Variants in RBFOX1 observed in about 807,000 individuals in gnomAD.
RBFOX1 encodes the protein RNA binding fox-1 homolog 1, also known as RNA binding protein fox-1 homolog 1.
Under a neutral mutation model 57.7 loss-of-function variants are expected in RBFOX1, and 8 were observed. The ratio of observed to expected loss-of-function variants is 0.14; its 90% CI spans 0.08 to 0.25. The LOEUF is 0.25. RBFOX1 is among the 10% of genes least tolerant of loss of function. RBFOX1 has a pLI of 1.00. For synonymous variants in RBFOX1, 326 were observed against 222.4 expected (o/e 1.47, Z -4.15); for missense variants, 611 against 548.5 (o/e 1.11, Z -1.14).
chr16:6,750,344 T>C (rs2074682809), intron 3 of RBFOX1, among the ~76,000 whole-genome samples: 1 of 152,340 alleles, frequency 6.6e-6, no homozygotes, highest in Non-Finnish European at 1.5e-5. Flanking sequence ...AGCTTGGTGA[T>C]AGATGCCTTA....
intron 11 of RBFOX1, among the ~76,000 whole-genome samples, chr16:7,633,650 C>G (rs1306666036): frequency 6.6e-6 from 1 of 152,150 alleles, no homozygotes; most frequent in Admixed American, 6.6e-5. Context: ...GAGGCTTAAG[C>G]AAGGGCATTC....
At chr16:6,829,742 C>T (rs1168777320) in intron 3 of RBFOX1, among the ~76,000 whole-genome samples, 3 of 151,930 alleles carry the variant, frequency 2.0e-5, no homozygotes, top group African/African-American at 7.2e-5. Context: ...GCTGGAATTA[C>T]AGGCACCTGC....
In RBFOX1 at chr16:5,391,670, G is replaced by C. The variant is rs573617487; in HGVS notation, c.220-75546G>C. On this transcript the variant is annotated intron_variant, in intron 1 of 2. Transcript: ENST00000585867. ...TCTCTTCCAACTTCAGGAGAGCTCA[G>C]GTGTCCCTAGGATCACAGGTAGTGT... 9.2e-5 allele frequency among the ~76,000 whole-genome samples: 14 copies of C among 152,176 alleles called. No individual in the cohort carries two copies. In the South Asian group the frequency reaches 2.3e-3, roughly 25 times the overall value.
intron 3 of RBFOX1, among the ~76,000 whole-genome samples, chr16:5,658,457 G>A (rs1028066400): frequency 6.6e-6 from 1 of 152,096 alleles, no homozygotes; most frequent in African/African-American, 2.4e-5. Flanking sequence ...CACTTGATGA[G>A]ACTTGGGATG....
chr16:5,657,427 G>A (rs1294349417), intron 3 of RBFOX1, among the ~76,000 whole-genome samples: 1 of 152,118 alleles, frequency 6.6e-6, no homozygotes, highest in Non-Finnish European at 1.5e-5. Context: ...AGTGAATAAA[G>A]TACTCACAAT....
intron 1 of RBFOX1, among the ~76,000 whole-genome samples, chr16:5,383,027 A>G (rs1221001119): frequency 3.9e-5 from 6 of 152,176 alleles, no homozygotes; most frequent in African/African-American, 1.4e-4. Context: ...TCCCTTGCTC[A>G]CATGCTATAA....
At chr16:5,721,001 A>G (rs965422181) in intron 3 of RBFOX1, among the ~76,000 whole-genome samples, 1 of 152,176 alleles carries the variant, frequency 6.6e-6, no homozygotes, top group African/African-American at 2.4e-5. Flanking sequence ...ATTGTGTTAA[A>G]TCTGTAGATC....
intron 4 of RBFOX1, among the ~76,000 whole-genome samples, chr16:7,353,254 A>G (rs1336041009): frequency 2.6e-5 from 4 of 152,206 alleles, no homozygotes; most frequent in Admixed American, 2.6e-4. Flanking sequence ...AATGGTACCT[A>G]TTACAAATGC....
intron 2 of RBFOX1, among the ~76,000 whole-genome samples, chr16:6,317,772 C>T (rs1474426597): frequency 6.6e-6 from 1 of 152,036 alleles, no homozygotes; most frequent in Admixed American, 6.6e-5. Context: ...TGATGTCAGC[C>T]CTCCTCTGCA....
intron 2 of RBFOX1, among the ~76,000 whole-genome samples, chr16:5,498,136 C>CTTTTGT (rs889803642): frequency 2.6e-5 from 4 of 152,104 alleles, no homozygotes; most frequent in Admixed American, 6.6e-5. Context: ...GCATTTTATT[C>CTTTTGT]TTTTGTTTTT....
chr16:5,485,368 A>AT (rs1567150376), intron 2 of RBFOX1, among the ~76,000 whole-genome samples: 1 of 148,644 alleles, frequency 6.7e-6, no homozygotes, highest in African/African-American at 2.5e-5. Context: ...AAAAAAAAAA[A>AT]GTGAATAAGT....
intron 4 of RBFOX1, among the ~76,000 whole-genome samples, chr16:7,352,228 C>A (rs993401343): frequency 2.6e-5 from 4 of 152,128 alleles, no homozygotes; most frequent in African/African-American, 4.8e-5. Flanking sequence ...TCAGCCTTTC[C>A]CAAGAGGTGA....
At chr16:6,849,925 G>T (rs1469939625) in intron 3 of RBFOX1, among the ~76,000 whole-genome samples, 1 of 152,150 alleles carries the variant, frequency 6.6e-6, no homozygotes, top group East Asian at 1.9e-4. Context: ...AGTTGACTAG[G>T]AAGATGACTT....
intron 4 of RBFOX1, among the ~76,000 whole-genome samples, chr16:7,105,484 A>G (rs1353902771): frequency 1.3e-5 from 2 of 151,696 alleles, no homozygotes; most frequent in African/African-American, 4.8e-5. Flanking sequence ...CTGCACTTCC[A>G]CCCTTTCCCC....
intron 2 of RBFOX1, among the ~76,000 whole-genome samples, chr16:6,616,193 T>A (rs1384177228): frequency 6.6e-6 from 1 of 152,198 alleles, no homozygotes; most frequent in Admixed American, 6.5e-5. Context: ...TTCTGTTCTT[T>A]GGTAACTGGA....
At chr16:6,297,899 A>G (rs936264936) in intron 1 of RBFOX1, among the ~76,000 whole-genome samples, 6 of 152,200 alleles carry the variant, frequency 3.9e-5, no homozygotes, top group Admixed American at 2.6e-4. Context: ...CCAGCTCCCC[A>G]TCTATCCAGA....
At chr16:6,430,979 A>T (rs1175266363) in intron 2 of RBFOX1, among the ~76,000 whole-genome samples, 1 of 151,222 alleles carries the variant, frequency 6.6e-6, no homozygotes, top group Non-Finnish European at 1.5e-5. Flanking sequence ...AAAAAAAAAA[A>T]AAAAAAAAAT....
chr16:7,065,317 G>T (rs1055097450), intron 4 of RBFOX1, among the ~76,000 whole-genome samples: 2 of 152,038 alleles, frequency 1.3e-5, no homozygotes, highest in African/African-American at 4.8e-5. Context: ...CGTGTAATCT[G>T]CTTTCTTCAG....
intron 4 of RBFOX1, among the ~76,000 whole-genome samples, chr16:7,054,550 G>GGGGGGC: frequency 7.1e-6 from 1 of 141,240 alleles, no homozygotes; most frequent in South Asian, 2.7e-4. Context: ...CTGGGTGGGG[G>GGGGGGC]GGCATTTTTT....
Sources: gnomAD v4.1 joint callset for allele counts (sites outside exome capture counted in the v4.1 genomes callset) on GRCh38, gnomAD v4.1.1 for gene constraint, MANE v1.5 for transcripts, NCBI Gene and HGNC (gene_info 2026-07-23, HGNC 2026-07-21) for gene names.